The following GGA3 variants were observed in gnomAD, a reference collection of about 807,000 sequenced individuals.
GGA3 encodes golgi associated, gamma adaptin ear containing, ARF binding protein 3, also known as ADP-ribosylation factor-binding protein GGA3.
GGA3 carries 57 observed loss-of-function variants against 77.5 expected under a neutral mutation model. The observed-to-expected ratio is 0.74, with a 90% CI of 0.59 to 0.92. The LOEUF (loss-of-function observed/expected upper bound fraction) is 0.92. Among genes scored for constraint, GGA3 ranks in the 40% least tolerant of loss-of-function variants. The pLI, the probability that GGA3 is intolerant of heterozygous loss-of-function variation, is 0.00. For synonymous variants in GGA3, 416 were observed against 383.7 expected, an observed-to-expected ratio of 1.08 and a Z score of -0.98; for missense variants, 970 against 914.9, an observed-to-expected ratio of 1.06 and a Z score of -0.78.
chr17:75,240,524 C>T (rs11077781), intron 11 of GGA3, 112 bp from the exon 12 acceptor site: 9 of 721,920 alleles, frequency 1.2e-5, no homozygotes, highest in African/African-American at 7.1e-5. Flanking sequence ...GTGAAGGCGC[C>T]GGGAGAAGCT....
Position 75,240,807 on chromosome 17 carries a change from C to A in GGA3, c.1192+5G>T. On this transcript the variant is annotated splice_donor_5th_base_variant and intron_variant, in intron 11 of 16. Coordinates refer to ENST00000537686, the MANE Select transcript of GGA3 (RefSeq NM_138619.4). The stretch of plus-strand genomic sequence containing the variant: ...GATGCCCCTGACGCCCCCTGTGGGC[C>A]GCACCCAAGCAGAGTAGCTCCTCGT... 1 of 1,606,018 alleles carries A rather than the reference C, an allele frequency of 6.2e-7. No homozygotes were observed. Among genetic ancestry groups the A allele is most frequent in the Admixed American group, 1.7e-5 (1 of 59,372 alleles).
At chr17:75,250,443 G>A (rs921665738) in intron 1 of GGA3, among the ~76,000 whole-genome samples, 5 of 151,948 alleles carry the variant, frequency 3.3e-5, no homozygotes, top group African/African-American at 9.7e-5. Context: ...ATTCCAGCAC[G>A]GCTCAAACAT....
chr17:75,248,612 C>T (rs1218634528), intron 1 of GGA3, among the ~76,000 whole-genome samples: 1 of 151,248 alleles, frequency 6.6e-6, no homozygotes, highest in Non-Finnish European at 1.5e-5. Context: ...CATGGAGAAA[C>T]CCCATCACTA....
rs79398753 is a variant in GGA3 at position 75,237,874 on chromosome 17, G to A, written c.*405C>T. On this transcript the variant is annotated 3_prime_UTR_variant, in exon 17 of 17. Transcript: ENST00000537686. ...GTGCATCTGTCAGGTGTGAGGATGT[G>A]GCTCTTGTGGGGAATGACCCATGAC... 22,098 of 1,389,588 alleles carry A rather than the reference G, an allele frequency of 0.016. 226 individuals are homozygous for A. Among genetic ancestry groups the A allele is most frequent in the Non-Finnish European group, 0.019 (20,407 of 1,076,460 alleles). The allele number at this position is 1,389,588 out of a possible 1,614,324, so 86.1% of individuals were successfully genotyped here.
chr17:75,256,157 T>C (rs145311472), intron 1 of GGA3, among the ~76,000 whole-genome samples: 4,161 of 152,158 alleles, frequency 0.027, 189 homozygotes, highest in African/African-American at 0.095. Context: ...CCGCACCCTG[T>C]AGTCTTTCTG....
chr17:75,248,825 A>AAAAAAAAAACAAC, intron 1 of GGA3: 1 of 938,386 alleles, frequency 1.1e-6, no homozygotes, highest in Non-Finnish European at 1.3e-6. Context: ...ACAAAACAAA[A>AAAAAAAAAACAAC]AAAAAAAAAC....
chr17:75,255,852 C>A (rs2145591501), intron 1 of GGA3, among the ~76,000 whole-genome samples: 1 of 152,328 alleles, frequency 6.6e-6, no homozygotes, highest in East Asian at 1.9e-4. Flanking sequence ...CCTTTGCACC[C>A]GTCATCCCAG....
upstream of GGA3, chr17:75,262,359 G>A (rs777200157): frequency 1.5e-5 from 14 of 944,936 alleles, no homozygotes; most frequent in Non-Finnish European, 1.9e-5. Context: ...GGCCTGAATT[G>A]TTGTGGCTCA....
At chr17:75,258,202 T>G (rs1044857238) in intron 1 of GGA3, among the ~76,000 whole-genome samples, 1 of 152,228 alleles carries the variant, frequency 6.6e-6, no homozygotes, top group Admixed American at 6.5e-5. Flanking sequence ...GGACTCAGCC[T>G]GCCTGCATCC....
upstream of GGA3, chr17:75,262,357 T>C: frequency 2.2e-6 from 2 of 920,092 alleles, no homozygotes; most frequent in Non-Finnish European, 3.4e-6. Flanking sequence ...AGGGCCTGAA[T>C]TGTTGTGGCT....
upstream of GGA3, chr17:75,261,997 G>C: frequency 6.7e-7 from 1 of 1,495,264 alleles, no homozygotes; most frequent in South Asian, 1.1e-5. Flanking sequence ...AGAGGGTGGC[G>C]AGCAGCGGCG....
At chr17:75,254,421 G>A (rs1227222831) in intron 1 of GGA3, among the ~76,000 whole-genome samples, 1 of 152,064 alleles carries the variant, frequency 6.6e-6, no homozygotes, top group African/African-American at 2.4e-5. Context: ...CAAGGTTAAT[G>A]CTCCTTTTTC....
At chr17:75,242,964 G>A in intron 6 of GGA3, 53 bp from the exon 7 acceptor site, 1 of 1,522,326 alleles carries the variant, frequency 6.6e-7, no homozygotes, top group Admixed American at 1.7e-5. Context: ...CCGTACCCCA[G>A]GGAAACCCCA....
upstream of GGA3, chr17:75,261,787 A>G (rs1239000168): frequency 4.1e-6 from 5 of 1,233,636 alleles, no homozygotes; most frequent in Non-Finnish European, 5.6e-6. Context: ...TAACGTCCAG[A>G]TCAGTGGAGA....
intron 9 of GGA3, 23 bp from the exon 10 acceptor site, chr17:75,241,539 C>T (rs761094169): frequency 6.2e-7 from 1 of 1,603,978 alleles, no homozygotes; most frequent in Non-Finnish European, 8.5e-7. Flanking sequence ...AGAGAGACTT[C>T]TCACTCCTGT....
rs2076343636 is a variant in GGA3 at position 75,237,054 on chromosome 17, C to T, written c.*1225G>A. The T allele has an allele frequency of 4.6e-6, 1 of 216,278 alleles. No individual in the cohort carries two copies. Among genetic ancestry groups the T allele is most frequent in the African/African-American group, 2.3e-5 (1 of 44,116 alleles). 13.4% of individuals were successfully genotyped at this position (216,278 alleles called of 1,614,324 possible). A position where few individuals can be genotyped will look rare whatever the true frequency, so the allele number is the denominator to read the frequency against. ...TGTTCACCTGGGCTCCGCAAGCTTC[C>T]CCCGTGTCTATGGCAGCTGGTGATT... On this transcript the variant is annotated 3_prime_UTR_variant, in exon 17 of 17. Coordinates refer to ENST00000537686, the MANE Select transcript of GGA3 (RefSeq NM_138619.4).
Position 75,237,896 on chromosome 17 carries a change from T to C in GGA3, c.*383A>G, listed in dbSNP as rs1420907415. The C allele has an allele frequency of 3.7e-6, 5 of 1,352,804 alleles. No homozygotes were observed. The African/African-American group carries it at 5.9e-5, about 16-fold the overall frequency. The allele number at this position is 1,352,804 out of a possible 1,614,324, so 83.8% of individuals were successfully genotyped here. A position where few individuals can be genotyped will look rare whatever the true frequency, so the allele number is the denominator to read the frequency against. ...TGTGGCTCTTGTGGGGAATGACCCA[T>C]GACAGTCTCTCTTTAGAGACTCCCA... On this transcript the variant is annotated 3_prime_UTR_variant, in exon 17 of 17. Transcript: ENST00000537686.
chr17:75,241,260 G>A (rs138243207), intron 10 of GGA3, 140 bp downstream of exon 10: 37 of 779,878 alleles, frequency 4.7e-5, no homozygotes, highest in Admixed American at 1.4e-4. Flanking sequence ...CCGGGAAGCC[G>A]GAGGATTGCT....
At position 75,242,374 on chromosome 17, in the gene GGA3, G is replaced by A. The variant is rs754406366; in HGVS notation, c.709C>T (p.Gln237Ter). ...LLSEMLLHYSQEDSSDGDREL... is the reference protein window; with the variant it reads ...LLSEMLLHYS The stretch of plus-strand genomic sequence containing the variant: ...CTGTCCCCGTCCGAAGAGTCCTCCT[G>A]GCTGTAATGAAGCAGCATCTCACTG... The change falls in exon 8 of 17, where the codon CAG becomes TAG. Residue 237 changes from glutamine (Q) to a stop codon, truncating the protein, a stop_gained. Transcript: ENST00000537686. LOFTEE classifies it high-confidence loss of function. The A allele has an allele frequency of 1.9e-6, 3 of 1,614,186 alleles. No individual in the cohort carries two copies. The highest frequency in any genetic ancestry group is 2.5e-6 in the Non-Finnish European group (3 of 1,179,992).
Sources: allele counts gnomAD v4.1 joint callset (sites outside exome capture counted in the v4.1 genomes callset), GRCh38; gene constraint gnomAD v4.1.1; transcripts MANE v1.5; gene names NCBI Gene and HGNC (gene_info 2026-07-23, HGNC 2026-07-21).